The following KIF26B variants were observed in gnomAD, a reference collection of about 807,000 sequenced individuals.
KIF26B encodes the protein kinesin-like protein KIF26B.
In KIF26B, 63 loss-of-function variants were observed where a neutral mutation model predicts 151.2. The ratio of observed to expected loss-of-function variants is 0.42; its 90% CI spans 0.34 to 0.51. The LOEUF (loss-of-function observed/expected upper bound fraction) is 0.51. KIF26B is among the 20% of genes least tolerant of loss of function. The pLI is 0.07. For missense variants in KIF26B, 2,813 were observed against 2,913.6 expected (o/e 0.97, Z 0.79); for synonymous variants, 1,357 against 1,262.1 (o/e 1.08, Z -1.59).
At chr1:245,434,309 G>A (rs1410426472) in intron 4 of KIF26B, among the ~76,000 whole-genome samples, 1 of 152,228 alleles carries the variant, frequency 6.6e-6, no homozygotes, top group Non-Finnish European at 1.5e-5. Flanking sequence ...GGAACTCCAA[G>A]TATCAGGTTA....
In KIF26B at chr1:245,261,497, CTCT is replaced by C. The variant is rs1558366057; in HGVS notation, c.465+104815_465+104817del. 5.7e-3 allele frequency among the ~76,000 whole-genome samples: 642 copies of C among 111,726 alleles called. 2 individuals are homozygous for C. Among genetic ancestry groups the C allele is most frequent in the Non-Finnish European group, 9.0e-3 (490 of 54,508 alleles). The allele number at this position is 111,726 out of a possible 152,430, so 73.3% of individuals were successfully genotyped here. A position where few individuals can be genotyped will look rare whatever the true frequency, so the allele number is the denominator to read the frequency against. On this transcript the variant is annotated intron_variant, in intron 2 of 14. Coordinates refer to ENST00000407071, the MANE Select transcript of KIF26B (RefSeq NM_018012.4). ...TCTCTCTCTCTCTCTCTCTCTCTCT[CTCT>C]CTCCCTCCCTCCCTCCCTCCCTCTC...
rs951752022 is a variant in KIF26B at position 245,557,388 on chromosome 1, C to T, written c.1350+16438C>T. 2.6e-5 allele frequency among the ~76,000 whole-genome samples: 4 copies of T among 152,326 alleles called. No individual in the cohort carries two copies. In the East Asian group the frequency reaches 5.8e-4, roughly 22 times the overall value. On this transcript the variant is annotated intron_variant, in intron 5 of 14. Transcript: ENST00000407071. ...CTGCCGTCGTCGCAGCCGGCAGGTC[C>T]CAGCTCTCCTCTTTCAATTGCTGTG...
intron 2 of KIF26B, among the ~76,000 whole-genome samples, chr1:245,251,923 T>C (rs1482587795): frequency 6.6e-6 from 1 of 152,132 alleles, no homozygotes; most frequent in Non-Finnish European, 1.5e-5. Flanking sequence ...TGAATTTTTC[T>C]GTCAGAATTG....
At chr1:245,513,565 C>T (rs1660884205) in intron 4 of KIF26B, among the ~76,000 whole-genome samples, 1 of 152,122 alleles carries the variant, frequency 6.6e-6, no homozygotes, top group Admixed American at 6.5e-5. Context: ...CATTTCGGCC[C>T]GATGTTCTGC....
At chr1:245,260,032 C>T (rs7524902) in intron 2 of KIF26B, among the ~76,000 whole-genome samples, 79,969 of 151,370 alleles carry the variant, frequency 0.53, 23,017 homozygotes, top group African/African-American at 0.76. Flanking sequence ...GGATGCTGTT[C>T]ATTTATCTGA....
At chr1:245,313,634 C>A (rs74153523) in intron 2 of KIF26B, among the ~76,000 whole-genome samples, 6,592 of 152,256 alleles carry the variant, frequency 0.043, 224 homozygotes, top group African/African-American at 0.091. Flanking sequence ...CCCCTTTAAC[C>A]ATGTCCCTGT....
rs1276082255 is a variant in KIF26B at position 245,521,343 on chromosome 1, A to T, written c.1167-19424A>T. Among the ~76,000 whole-genome samples, 11 of 94,718 alleles carry T rather than the reference A, an allele frequency of 1.2e-4. No individual in the cohort carries two copies. The East Asian group carries it at 6.9e-3, about 60-fold the overall frequency. The allele number at this position is 94,718 out of a possible 152,430, so 62.1% of individuals were successfully genotyped here. A position where few individuals can be genotyped will look rare whatever the true frequency, so the allele number is the denominator to read the frequency against. On this transcript the variant is annotated intron_variant, in intron 4 of 14. Transcript: ENST00000407071. Reference sequence around the variant, plus strand: ...GTGACAGAGCGAGACTCCGTCTTAAAAAAAAAAAAAAAGCAATAAACAGAA... The same window carrying T: ...GTGACAGAGCGAGACTCCGTCTTAATAAAAAAAAAAAAGCAATAAACAGAA...
At position 245,635,098 on chromosome 1, in the gene KIF26B, G is replaced by GTTT. The variant is rs55861540; in HGVS notation, c.2099-11010_2099-11008dup. 6.3e-3 allele frequency among the ~76,000 whole-genome samples: 835 copies of GTTT among 133,078 alleles called. 10 individuals are homozygous for GTTT. Among genetic ancestry groups the GTTT allele is most frequent in the African/African-American group, 0.022 (791 of 35,252 alleles). 87.3% of individuals were successfully genotyped at this position (133,078 alleles called of 152,430 possible). ...GGGATATTGTTCTGCAGGTTTTTGT[G>GTTT]TTTTTTTTTTTTTTTCAAACAACAT... On this transcript the variant is annotated intron_variant, in intron 9 of 14. Coordinates refer to ENST00000407071, the MANE Select transcript of KIF26B (RefSeq NM_018012.4).
At chr1:245,303,445 G>C (rs12727833) in intron 2 of KIF26B, among the ~76,000 whole-genome samples, 1 of 150,600 alleles carries the variant, frequency 6.6e-6, no homozygotes, top group Non-Finnish European at 1.5e-5. Context: ...TGATCCGCCC[G>C]CCTCGGCCTC....
At chr1:245,493,835 G>A (rs143530363) in intron 4 of KIF26B, among the ~76,000 whole-genome samples, 7 of 152,272 alleles carry the variant, frequency 4.6e-5, no homozygotes, top group Admixed American at 6.5e-5. Flanking sequence ...CTGCCAAGGC[G>A]GACAAGACTT....
At chr1:245,353,594 C>T (rs991410763) in intron 2 of KIF26B, 7 of 152,546 alleles carry the variant, frequency 4.6e-5, no homozygotes, top group East Asian at 1.9e-4. Context: ...TCTCTGACTT[C>T]GTGGGTGTGT....
intron 6 of KIF26B, among the ~76,000 whole-genome samples, chr1:245,605,347 A>C (rs1234601627): frequency 2.0e-5 from 3 of 152,194 alleles, no homozygotes; most frequent in Admixed American, 6.5e-5. Context: ...CCAAGCCTGA[A>C]AGGAGGGAGT....
Position 245,686,958 on chromosome 1 carries a change from C to T in KIF26B, c.3975C>T (p.Thr1325=), listed in dbSNP as rs138077422. 2.6e-4 allele frequency: 414 copies of T among 1,613,430 alleles called. 4 individuals carry two copies. The East Asian group carries it at 8.2e-3, about 32-fold the overall frequency. ...AGTTTGTCAGCAGCCTCCAGAACACCGCTGTGGTGTGCAGAGAGAAGCCCA... is the reference window on the plus strand; with the variant it reads ...AGTTTGTCAGCAGCCTCCAGAACACTGCTGTGGTGTGCAGAGAGAAGCCCA... ...ASEFVSSLQN[T]AVVCREKPKA... Residue 1325 remains threonine (T), a synonymous_variant, in exon 12 of 15, where the codon ACC becomes ACT. Coordinates refer to ENST00000407071, the MANE Select transcript of KIF26B (RefSeq NM_018012.4). This position sits in a 1 kb window ranked among gnomAD's most constrained non-coding sequence, Gnocchi z 5.6.
chr1:245,593,361 C>A (rs1225124015), intron 5 of KIF26B, among the ~76,000 whole-genome samples: 1 of 152,078 alleles, frequency 6.6e-6, no homozygotes, highest in South Asian at 2.1e-4. Context: ...ATGATGTTCC[C>A]CTCCCTGTGT....
chr1:245,301,153 T>G (rs914677391), intron 2 of KIF26B, among the ~76,000 whole-genome samples: 1 of 152,150 alleles, frequency 6.6e-6, no homozygotes, highest in African/African-American at 2.4e-5. Context: ...AATTTAAACC[T>G]CATTGAAATG....
At chr1:245,349,020 C>T (rs1320096026) in intron 2 of KIF26B, among the ~76,000 whole-genome samples, 1 of 152,204 alleles carries the variant, frequency 6.6e-6, no homozygotes, top group Non-Finnish European at 1.5e-5. Flanking sequence ...CCATAGGTCA[C>T]ATGTGACGTG....
intron 2 of KIF26B, chr1:245,282,789 C>G (rs1243280310): frequency 1.8e-5 from 3 of 164,318 alleles, no homozygotes; most frequent in African/African-American, 7.5e-5. Context: ...CTTGCCCCTT[C>G]TTGCCTATTA....
At chr1:245,279,549 T>C (rs1432594492) in intron 2 of KIF26B, among the ~76,000 whole-genome samples, 1 of 152,040 alleles carries the variant, frequency 6.6e-6, no homozygotes, top group Non-Finnish European at 1.5e-5. Flanking sequence ...GCTCAAGTGA[T>C]CCTCCCACCT....
intron 4 of KIF26B, among the ~76,000 whole-genome samples, chr1:245,423,331 T>TA (rs1052315844): frequency 5.9e-5 from 9 of 152,136 alleles, no homozygotes; most frequent in African/African-American, 2.2e-4. Context: ...GTTTTATGGA[T>TA]AAAGAAGATG....
Sources: allele counts gnomAD v4.1 joint callset (sites outside exome capture counted in the v4.1 genomes callset), GRCh38; gene constraint gnomAD v4.1.1; non-coding constraint Gnocchi (gnomAD v3.1); transcripts MANE v1.5; gene names NCBI Gene and HGNC (gene_info 2026-07-23, HGNC 2026-07-21).